The following ANKHD1 variants were observed in gnomAD, a reference collection of about 807,000 sequenced individuals.
ANKHD1 encodes ankyrin repeat and KH domain containing 1, also known as ankyrin repeat and KH domain-containing protein 1.
In ANKHD1, 31 loss-of-function variants were observed where a neutral mutation model predicts 230.5. The ratio of observed to expected loss-of-function variants is 0.13; its 90% CI spans 0.10 to 0.18. ANKHD1 has a LOEUF of 0.18. Among genes scored for constraint, ANKHD1 ranks in the 10% least tolerant of loss-of-function variants. The pLI is 1.00. For synonymous variants in ANKHD1, 1,074 were observed against 1,117.6 expected (o/e 0.96, Z 0.78); for missense variants, 2,256 against 3,071.3 (o/e 0.73, Z 6.27).
At chr5:140,480,870 G>A (rs897235203) in intron 10 of ANKHD1, among the ~76,000 whole-genome samples, 3 of 152,046 alleles carry the variant, frequency 2.0e-5, no homozygotes, top group African/African-American at 7.2e-5. Context: ...GGAGCTTACC[G>A]TTTAGTGGAG....
chr5:140,423,102 T>A (rs1772131279), intron 1 of ANKHD1, among the ~76,000 whole-genome samples: 1 of 151,998 alleles, frequency 6.6e-6, no homozygotes, highest in Non-Finnish European at 1.5e-5. Flanking sequence ...GAGGTCTCAA[T>A]ACCTAGGGTA....
At chr5:140,427,237 C>T (rs1254139839) in intron 1 of ANKHD1, among the ~76,000 whole-genome samples, 1 of 146,864 alleles carries the variant, frequency 6.8e-6, no homozygotes, top group Admixed American at 6.7e-5. Flanking sequence ...AGAGGTGCCC[C>T]TCACCTCCCA....
Position 140,529,698 on chromosome 5 carries a change from G to A in ANKHD1, c.6752G>A (p.Gly2251Asp). 1 of 1,614,170 alleles carries A rather than the reference G, an allele frequency of 6.2e-7. No individual in the cohort carries two copies. The highest frequency in any genetic ancestry group is 8.5e-7 in the Non-Finnish European group (1 of 1,180,042). The change falls in exon 29 of 34, where the codon GGT (glycine) becomes GAT (aspartate). Residue 2251 changes from glycine (G) to aspartate (D), a missense_variant. Around this residue, in one of 13 missense-constraint regions of ANKHD1, gnomAD observed 778 missense variants for 966.5 expected, o/e 0.80. Transcript: ENST00000360839. ...ASFTVQSAFL[G>D]NSVLGHLENM... is the part of the protein sequence containing the mutation. ...TTCACTGTTCAGTCAGCGTTCCTGG[G>A]TAACTCAGTGCTTGGACACTTGGAA...
intron 14 of ANKHD1, among the ~76,000 whole-genome samples, chr5:140,488,564 C>T (rs1439997762): frequency 2.1e-5 from 3 of 141,976 alleles, no homozygotes; most frequent in Admixed American, 7.3e-5. Flanking sequence ...CCAGCCTGGG[C>T]GACAAGAGCA....
At position 140,485,287 on chromosome 5, in the gene ANKHD1, T is replaced by C. The variant is rs772180231; in HGVS notation, c.1998+39T>C. ...AAATAAGTAAACAGGCTGTGTGCGG[T>C]GGCTCATGTCTATGATCCCAGCACT... On this transcript the variant is annotated intron_variant, in intron 12 of 33. Transcript: ENST00000360839. This position sits in a 1 kb window ranked among gnomAD's most constrained non-coding sequence, Gnocchi z 4.8. The C allele has an allele frequency of 3.8e-6, 6 of 1,586,780 alleles. No homozygotes were observed. In the African/African-American group the frequency reaches 6.7e-5, roughly 18 times the overall value.
At chr5:140,511,282 AATCATTT>A (rs1752757464) in intron 22 of ANKHD1, among the ~76,000 whole-genome samples, 1 of 152,130 alleles carries the variant, frequency 6.6e-6, no homozygotes, top group Non-Finnish European at 1.5e-5. Context: ...TCCCCATACA[AATCATTT>A]ATGCTACTAT....
rs552059806 is a variant in ANKHD1, at chr5:140,528,698, G to A, written c.5752G>A (p.Gly1918Arg). The A allele has an allele frequency of 1.8e-5, 29 of 1,614,112 alleles. No individual in the cohort carries two copies. The East Asian group carries it at 4.0e-4, about 22-fold the overall frequency. ...NNTSRLPNQN[G>R]TVLPSESAGL... ...CACAAGCCGTCTACCTAACCAGAAC[G>A]GGACTGTTTTACCCTCAGAGTCTGC... The change falls in exon 29 of 34, where the codon GGG (glycine) becomes AGG (arginine). Residue 1918 changes from glycine to arginine, a missense_variant. Gly to Arg is a moderately radical substitution (Grantham distance 125, BLOSUM62 -2). Around this residue, in one of 13 missense-constraint regions of ANKHD1, gnomAD observed 778 missense variants for 966.5 expected, o/e 0.80. Coordinates refer to ENST00000360839, the MANE Select transcript of ANKHD1 (RefSeq NM_017747.3).
At chr5:140,404,588 ACGACTGG>A (rs1032132954) in intron 1 of ANKHD1, among the ~76,000 whole-genome samples, 2 of 151,856 alleles carry the variant, frequency 1.3e-5, no homozygotes, top group African/African-American at 4.8e-5. Flanking sequence ...GCCTGCTACC[ACGACTGG>A]CTAATTTTTT....
chr5:140,485,291 T>C lies in ANKHD1; in HGVS notation c.1998+43T>C. 6.3e-7 allele frequency: 1 copy of C among 1,580,946 alleles called. No homozygotes were observed. The highest frequency in any genetic ancestry group is 8.6e-7 in the Non-Finnish European group (1 of 1,158,704). On this transcript the variant is annotated intron_variant, in intron 12 of 33. Transcript: ENST00000360839. The surrounding 1 kb of genome is among the most constrained non-coding windows in gnomAD (Gnocchi z 4.8). The stretch of plus-strand genomic sequence containing the variant: ...AAGTAAACAGGCTGTGTGCGGTGGC[T>C]CATGTCTATGATCCCAGCACTTTAG...
At chr5:140,446,808 T>C (rs1021003509) in intron 6 of ANKHD1, among the ~76,000 whole-genome samples, 1 of 152,222 alleles carries the variant, frequency 6.6e-6, no homozygotes, top group South Asian at 2.1e-4. Context: ...TTAAACAAAA[T>C]AGTTATACTC....
Position 140,461,919 on chromosome 5 carries a change from A to G in ANKHD1, c.1672+2564A>G, listed in dbSNP as rs563764115. On this transcript the variant is annotated intron_variant, in intron 9 of 33. Coordinates refer to ENST00000360839, the MANE Select transcript of ANKHD1 (RefSeq NM_017747.3). ...GACTTTTTTGAATTAAGATTGAAAT[A>G]AGATTCATAAAATCACTATTAATCA... Among the ~76,000 whole-genome samples, 5 of 152,272 alleles carry G rather than the reference A, an allele frequency of 3.3e-5. No homozygotes were observed. The East Asian group carries it at 7.7e-4, about 23-fold the overall frequency.
chr5:140,473,936 G>A (rs1232648513), intron 10 of ANKHD1, among the ~76,000 whole-genome samples: 1 of 152,134 alleles, frequency 6.6e-6, no homozygotes, highest in Non-Finnish European at 1.5e-5. Flanking sequence ...GAAATAGGGG[G>A]TCTGCATTTG....
chr5:140,505,325 A>C, intron 17 of ANKHD1, 92 bp downstream of exon 17: 15 of 1,358,344 alleles, frequency 1.1e-5, no homozygotes, highest in Non-Finnish European at 1.4e-5. Flanking sequence ...AGACTATCTC[A>C]GTGATAAGAT....
chr5:140,432,172 C>A (rs1383418330), intron 1 of ANKHD1, among the ~76,000 whole-genome samples: 1 of 152,168 alleles, frequency 6.6e-6, no homozygotes, highest in Non-Finnish European at 1.5e-5. Flanking sequence ...GGTTGTATAG[C>A]AATCACTACT....
Position 140,507,673 on chromosome 5 carries a change from T to C in ANKHD1, c.3552-112T>C, listed in dbSNP as rs538138359. 4.5e-5 allele frequency: 55 copies of C among 1,232,310 alleles called. No individual in the cohort carries two copies. In the Middle Eastern group the frequency reaches 1.4e-3, roughly 32 times the overall value. The allele number at this position is 1,232,310 out of a possible 1,614,324, so 76.3% of individuals were successfully genotyped here. ...TATTGGTCGAAACAAGTAAAATCTATTCATTGATGTTAGAAACCTCTCTTT... is the reference window on the plus strand; with the variant it reads ...TATTGGTCGAAACAAGTAAAATCTACTCATTGATGTTAGAAACCTCTCTTT... On this transcript the variant is annotated intron_variant, in intron 19 of 33. Transcript: ENST00000360839. The surrounding 1 kb of genome is among the most constrained non-coding windows in gnomAD (Gnocchi z 4.1).
chr5:140,406,911 C>G (rs920435648), intron 1 of ANKHD1, among the ~76,000 whole-genome samples: 1 of 152,018 alleles, frequency 6.6e-6, no homozygotes, highest in Admixed American at 6.6e-5. Flanking sequence ...TCTTAGCTAT[C>G]GAAGCCCTTG....
At chr5:140,466,122 T>C (rs1482096150) in intron 10 of ANKHD1, among the ~76,000 whole-genome samples, 1 of 152,218 alleles carries the variant, frequency 6.6e-6, no homozygotes, top group East Asian at 1.9e-4. Flanking sequence ...CTGGGTGCAG[T>C]GGCTCATGCC....
chr5:140,499,769 AT>A, intron 15 of ANKHD1, among the ~76,000 whole-genome samples: 1 of 152,184 alleles, frequency 6.6e-6, no homozygotes. Context: ...ATAGCAAGTG[AT>A]TCTCAAAGTT....
chr5:140,510,818 C>T (rs200874909), intron 22 of ANKHD1, among the ~76,000 whole-genome samples: 9 of 149,080 alleles, frequency 6.0e-5, no homozygotes, highest in African/African-American at 2.0e-4. Context: ...CTTCTGTGTG[C>T]GTGTGTGTGT....
Sources: allele counts gnomAD v4.1 joint callset (sites outside exome capture counted in the v4.1 genomes callset), GRCh38; gene constraint gnomAD v4.1.1; regional missense constraint gnomAD v4.1.1; non-coding constraint Gnocchi (gnomAD v3.1); transcripts MANE v1.5; gene names NCBI Gene and HGNC (gene_info 2026-07-23, HGNC 2026-07-21).